The following CAMTA1 variants were observed in gnomAD, a reference collection of about 807,000 sequenced individuals.
The protein encoded by CAMTA1 is calmodulin binding transcription activator 1.
Under a neutral mutation model 170.9 loss-of-function variants are expected in CAMTA1, and 27 were observed. The ratio of observed to expected loss-of-function variants is 0.16; its 90% CI spans 0.12 to 0.22. The LOEUF is 0.22. Ranked by LOEUF, CAMTA1 falls within the 10% of genes least tolerant of loss-of-function variation. The pLI is 1.00. For synonymous variants in CAMTA1, 833 were observed against 891.5 expected (o/e 0.93, Z 1.17); for missense variants, 1,619 against 2,217.2 (o/e 0.73, Z 5.42).
At chr1:7,741,391 G>A (rs1312520274) in intron 16 of CAMTA1, among the ~76,000 whole-genome samples, 11 of 151,918 alleles carry the variant, frequency 7.2e-5, no homozygotes, top group Non-Finnish European at 1.3e-4. Flanking sequence ...GTGAAACCCC[G>A]TCTCTACTAA....
intron 5 of CAMTA1, among the ~76,000 whole-genome samples, chr1:7,388,866 C>T (rs1438883779): frequency 1.3e-5 from 2 of 152,246 alleles, no homozygotes; most frequent in African/African-American, 4.8e-5. Context: ...GCCTCTGAGC[C>T]CTCCAGCCAG....
At chr1:7,238,813 G>A (rs934978649) in intron 4 of CAMTA1, among the ~76,000 whole-genome samples, 2 of 152,192 alleles carry the variant, frequency 1.3e-5, no homozygotes, top group Non-Finnish European at 2.9e-5. Flanking sequence ...AACCCGGGAG[G>A]TGCAAGTTGC....
intron 3 of CAMTA1, among the ~76,000 whole-genome samples, chr1:7,056,099 A>G (rs1255460016): frequency 6.6e-6 from 1 of 151,870 alleles, no homozygotes; most frequent in Non-Finnish European, 1.5e-5. Flanking sequence ...TTCTCACTAC[A>G]CTCGATATGG....
At chr1:7,766,394 T>C in intron 22 of CAMTA1, 65 bp from the exon 23 acceptor site, 1 of 1,528,122 alleles carries the variant, frequency 6.5e-7, no homozygotes, top group Non-Finnish European at 9.1e-7. Flanking sequence ...AATACCCCTT[T>C]CCTTTACTTG....
chr1:7,038,347 A>G (rs1235672369), intron 3 of CAMTA1, among the ~76,000 whole-genome samples: 1 of 152,242 alleles, frequency 6.6e-6, no homozygotes, highest in Non-Finnish European at 1.5e-5. Flanking sequence ...TGGTGCACCC[A>G]TAAAATGGAA....
At chr1:7,470,590 AG>A (rs2093312327) in intron 6 of CAMTA1, among the ~76,000 whole-genome samples, 1 of 152,170 alleles carries the variant, frequency 6.6e-6, no homozygotes, top group Admixed American at 6.5e-5. Flanking sequence ...AGGAGGCACT[AG>A]GAAAGGGAGT....
intron 6 of CAMTA1, among the ~76,000 whole-genome samples, chr1:7,627,885 C>T (rs1053762510): frequency 6.6e-6 from 1 of 152,204 alleles, no homozygotes; most frequent in African/African-American, 2.4e-5. Context: ...TGAAGAAATG[C>T]TAGTTCTCAG....
chr1:6,809,646 T>C (rs1420499097), intron 1 of CAMTA1, among the ~76,000 whole-genome samples: 1 of 151,862 alleles, frequency 6.6e-6, no homozygotes, highest in Non-Finnish European at 1.5e-5. Flanking sequence ...GTCACAGTTG[T>C]GAGTGAGATT....
intron 11 of CAMTA1, among the ~76,000 whole-genome samples, chr1:7,704,123 C>G (rs1300788090): frequency 2.0e-5 from 3 of 151,422 alleles, no homozygotes; most frequent in Non-Finnish European, 4.4e-5. Flanking sequence ...CCGCTCGTTG[C>G]GCAGCGCCGG....
At chr1:7,480,242 CGTGT>C (rs1181594323) in intron 6 of CAMTA1, among the ~76,000 whole-genome samples, 6 of 88,066 alleles carry the variant, frequency 6.8e-5, no homozygotes, top group African/African-American at 3.7e-4. Flanking sequence ...TGCATGTGTC[CGTGT>C]GTGTGCATGT....
intron 3 of CAMTA1, among the ~76,000 whole-genome samples, chr1:7,054,032 G>A (rs575866907): frequency 3.9e-5 from 6 of 152,310 alleles, no homozygotes; most frequent in Admixed American, 3.3e-4. Context: ...GGGTCCCTGT[G>A]GGTAACCCTG....
chr1:6,899,531 G>A (rs1676398240), intron 3 of CAMTA1, among the ~76,000 whole-genome samples: 2 of 148,582 alleles, frequency 1.3e-5, no homozygotes, highest in South Asian at 2.1e-4. Context: ...AAAATTATAT[G>A]TGTATAACGC....
intron 3 of CAMTA1, among the ~76,000 whole-genome samples, chr1:6,991,179 A>G (rs1696315417): frequency 1.3e-5 from 2 of 152,046 alleles, no homozygotes; most frequent in African/African-American, 4.8e-5. Flanking sequence ...TTTGGCTATT[A>G]TGAATAAAAC....
At chr1:6,827,052 T>C (rs965617934) in intron 3 of CAMTA1, among the ~76,000 whole-genome samples, 2 of 152,236 alleles carry the variant, frequency 1.3e-5, no homozygotes, top group African/African-American at 2.4e-5. Flanking sequence ...GAGAAGTTTT[T>C]CCTTATTTTC....
chr1:7,768,113 TA>T lies in CAMTA1; in HGVS notation c.*1640del, dbSNP rs59402168. On this transcript the variant is annotated 3_prime_UTR_variant, in exon 23 of 23. Coordinates refer to ENST00000303635, the MANE Select transcript of CAMTA1 (RefSeq NM_015215.4). ...CTCCAACAAAGAACACTTAGAATGA[TA>T]AAAAAAAAAAAAAAAAACCTGACAA... 0.39 allele frequency: 52,275 copies of T among 135,496 alleles called. 9,764 individuals are homozygous for T. Among genetic ancestry groups the T allele is most frequent in the Middle Eastern group, 0.57 (147 of 258 alleles). 8.4% of individuals were successfully genotyped at this position (135,496 alleles called of 1,614,324 possible). A position where few individuals can be genotyped will look rare whatever the true frequency, so the allele number is the denominator to read the frequency against.
chr1:7,744,620 A>T (rs938274564), intron 16 of CAMTA1, among the ~76,000 whole-genome samples: 3 of 152,206 alleles, frequency 2.0e-5, no homozygotes, highest in Non-Finnish European at 2.9e-5. Flanking sequence ...TTGGGGCCAG[A>T]CTATGACTTG....
intron 3 of CAMTA1, among the ~76,000 whole-genome samples, chr1:6,875,356 A>G (rs1375102796): frequency 1.3e-5 from 2 of 152,084 alleles, no homozygotes; most frequent in Non-Finnish European, 2.9e-5. Flanking sequence ...CAGTGGCGCG[A>G]TCTCAGCTCA....
chr1:7,705,768 G>A (rs2096516308), intron 11 of CAMTA1, among the ~76,000 whole-genome samples: 1 of 152,174 alleles, frequency 6.6e-6, no homozygotes, highest in Non-Finnish European at 1.5e-5. Context: ...ACAGACCAGG[G>A]GAGCGGAGGG....
intron 5 of CAMTA1, among the ~76,000 whole-genome samples, chr1:7,403,304 G>A (rs969357368): frequency 2.0e-5 from 3 of 152,004 alleles, no homozygotes; most frequent in Non-Finnish European, 2.9e-5. Flanking sequence ...AACCAGGATC[G>A]TACCACTGCA....
Sources: allele counts gnomAD v4.1 joint callset (sites outside exome capture counted in the v4.1 genomes callset), GRCh38; gene constraint gnomAD v4.1.1; transcripts MANE v1.5; gene names NCBI Gene and HGNC (gene_info 2026-07-23, HGNC 2026-07-21).